Variants in ST7L observed in about 807,000 individuals in gnomAD.
ST7L encodes the protein suppressor of tumorigenicity 7 protein-like.
Under a neutral mutation model 72.5 loss-of-function variants are expected in ST7L, and 57 were observed. That is an observed-to-expected ratio of 0.79 (90% CI 0.64 to 0.98). ST7L has a LOEUF of 0.98. ST7L is among the 50% of genes least tolerant of loss of function. The probability of loss-of-function intolerance (pLI) is 0.00; values close to 1 mark genes in which losing one functional copy is unlikely to be tolerated. For synonymous variants in ST7L, 221 were observed against 240.9 expected (o/e 0.92, Z 0.77); for missense variants, 576 against 672.2 (o/e 0.86, Z 1.58).
chr1:112,582,449 A>G lies in ST7L; in HGVS notation c.880T>C (p.Tyr294His). Reference sequence around the variant, plus strand: ...CACATTGCCAATCTTCTTTTAATATATACCAGTACATTGGTATCTCTCCCT... The same window carrying G: ...CACATTGCCAATCTTCTTTTAATATGTACCAGTACATTGGTATCTCTCCCT... ...QLRRDTNVLV[Y>H]IKRRLAMCAR... is the part of the protein sequence containing the mutation. Residue 294 changes from tyrosine (Y) to histidine (H), a missense_variant, in exon 8 of 15, where the codon TAT becomes CAT. Physicochemically the swap from Tyr to His is moderately conservative, Grantham distance 83 (BLOSUM62 2). This residue lies in a region of ST7L where 511 missense variants were observed against 600.7 expected (regional missense o/e 0.85). Coordinates refer to ENST00000358039, the MANE Select transcript of ST7L (RefSeq NM_017744.5). 1 of 1,605,866 alleles carries G rather than the reference A, an allele frequency of 6.2e-7. No homozygotes were observed. The highest frequency in any genetic ancestry group is 8.5e-7 in the Non-Finnish European group (1 of 1,174,998).
chr1:112,616,032 C>T (rs190928567), intron 2 of ST7L, among the ~76,000 whole-genome samples: 18 of 152,174 alleles, frequency 1.2e-4, no homozygotes, highest in Non-Finnish European at 1.6e-4. Context: ...CCACCACGTC[C>T]GGCCTGTCTG....
At chr1:112,526,263 AC>A in intron 14 of ST7L, 152 bp from the exon 15 acceptor site, 2 of 911,138 alleles carry the variant, frequency 2.2e-6, no homozygotes, top group Non-Finnish European at 3.3e-6. Context: ...TGCCACTATT[AC>A]CACCAGTACC....
chr1:112,540,000 A>G, intron 14 of ST7L: 1 of 985,390 alleles, frequency 1.0e-6, no homozygotes, highest in Non-Finnish European at 1.2e-6. Context: ...TCCATTTAAA[A>G]TATGTAATTA....
intron 11 of ST7L, among the ~76,000 whole-genome samples, chr1:112,562,469 A>C (rs1660332388): frequency 6.6e-6 from 1 of 152,144 alleles, no homozygotes; most frequent in South Asian, 2.1e-4. Flanking sequence ...AAAAGATATG[A>C]TTGAGATACT....
In ST7L at chr1:112,587,586, A is replaced by G. The variant is rs142569496; in HGVS notation, c.702-3460T>C. Reference sequence around the variant, plus strand: ...CCATTGCACTCCAGCCTGGGCAAAAAGAGTGAAACTCTGTCTCAGAACAAA... The same window carrying G: ...CCATTGCACTCCAGCCTGGGCAAAAGGAGTGAAACTCTGTCTCAGAACAAA... On this transcript the variant is annotated intron_variant, in intron 6 of 14. Transcript: ENST00000358039. 2.8e-3 allele frequency among the ~76,000 whole-genome samples: 434 copies of G among 152,352 alleles called. 2 individuals carry two copies. The highest frequency in any genetic ancestry group is 3.8e-3 in the Non-Finnish European group (261 of 68,014).
intron 11 of ST7L, among the ~76,000 whole-genome samples, chr1:112,567,788 C>CAGT (rs56717027): frequency 0.014 from 2,186 of 151,958 alleles, 67 homozygotes; most frequent in African/African-American, 0.051. Flanking sequence ...ACATATATGA[C>CAGT]AGTATATATG....
Position 112,578,328 on chromosome 1 carries a change from G to C in ST7L, c.1142+17C>G. ...TTAGCAGTCTTTCCAAATCATTGTA[G>C]TTTTTATAACACGTACTTTTCTGAA... On this transcript the variant is annotated intron_variant, in intron 10 of 14. Transcript: ENST00000358039. 2 of 1,610,124 alleles carry C rather than the reference G, an allele frequency of 1.2e-6. No homozygotes were observed. The highest frequency in any genetic ancestry group is 1.7e-6 in the Non-Finnish European group (2 of 1,176,410).
intron 11 of ST7L, among the ~76,000 whole-genome samples, chr1:112,559,484 G>A (rs1002593500): frequency 3.3e-5 from 5 of 151,608 alleles, no homozygotes; most frequent in South Asian, 2.1e-4. Context: ...CACCAGCCTC[G>A]GCTTCCCAAA....
intron 14 of ST7L, 120 bp from the exon 15 acceptor site, chr1:112,526,231 C>A: frequency 1.4e-6 from 2 of 1,384,564 alleles, no homozygotes; most frequent in Non-Finnish European, 2.0e-6. Flanking sequence ...ACCTTATCAA[C>A]CAATGGCTCT....
intron 11 of ST7L, among the ~76,000 whole-genome samples, chr1:112,573,348 C>CAAAAAAAAAAAAAAAAAAAAAAAAAAA (rs35107656): frequency 1.4e-5 from 1 of 69,664 alleles, no homozygotes; most frequent in Non-Finnish European, 2.7e-5. Flanking sequence ...AACTCCCTCT[C>CAAAAAAAAAAAAAAAAAAAAAAAAAAA]AAAAAAAAAA....
chr1:112,519,240 T>A (rs1268911458), downstream of ST7L, among the ~76,000 whole-genome samples: 1 of 152,268 alleles, frequency 6.6e-6, no homozygotes, highest in African/African-American at 2.4e-5. Context: ...TATATTTATT[T>A]ATACCTGTGT....
In ST7L at chr1:112,593,455, C is replaced by T. The variant is rs566086884; in HGVS notation, c.623-1852G>A. Reference sequence around the variant, plus strand: ...GTTAAATAACATTCTAATAAGCTAACAAGCACAAAACAGATCAGCAGTTAT... The same window carrying T: ...GTTAAATAACATTCTAATAAGCTAATAAGCACAAAACAGATCAGCAGTTAT... On this transcript the variant is annotated intron_variant, in intron 5 of 14. Coordinates refer to ENST00000358039, the MANE Select transcript of ST7L (RefSeq NM_017744.5). 1.4e-4 allele frequency among the ~76,000 whole-genome samples: 21 copies of T among 152,164 alleles called. No individual in the cohort carries two copies. The South Asian group carries it at 4.1e-3, about 30-fold the overall frequency.
intron 1 of ST7L, among the ~76,000 whole-genome samples, chr1:112,617,556 T>G (rs942415588): frequency 6.6e-6 from 1 of 151,906 alleles, no homozygotes; most frequent in African/African-American, 2.4e-5. Flanking sequence ...TACGCAAAAT[T>G]TAAAACTCAG....
In ST7L at chr1:112,582,730, G is replaced by A. The variant is rs1396383483; in HGVS notation, c.857-258C>T. On this transcript the variant is annotated intron_variant, in intron 7 of 14. Transcript: ENST00000358039. ...CATTTAATTATTTTTGCCTCTAATA[G>A]TAACTTAAGTACAGTATATATAATT... Among the ~76,000 whole-genome samples the A allele has an allele frequency of 3.9e-5, 6 of 151,998 alleles. No individual in the cohort carries two copies. The East Asian group carries it at 1.2e-3, about 29-fold the overall frequency.
chr1:112,541,648 T>A (rs1213704183), intron 14 of ST7L: 1 of 408,098 alleles, frequency 2.5e-6, no homozygotes, highest in Non-Finnish European at 3.7e-6. Context: ...AGGGTATTTT[T>A]AAAAATACCA....
rs778283228 is a variant in ST7L at position 112,610,892 on chromosome 1, C to G, written c.400G>C (p.Gly134Arg). ...GGTESSISEP[G>R]SPSRNRENET... ...TTTTCTCTGTTCCTCGAAGGAGAAC[C>G]TGGTTCTGAAATGCTGCTCTCTGTT... Residue 134 changes from glycine to arginine, a missense_variant, in exon 3 of 15, where the codon GGT becomes CGT. Gly to Arg is a moderately radical substitution (Grantham distance 125). Transcript: ENST00000358039. 2 of 1,614,178 alleles carry G rather than the reference C, an allele frequency of 1.2e-6. No individual in the cohort carries two copies. The highest frequency in any genetic ancestry group is 3.3e-5 in the Admixed American group (2 of 60,014).
intron 9 of ST7L, among the ~76,000 whole-genome samples, chr1:112,580,407 C>G (rs1397805128): frequency 6.6e-6 from 1 of 152,220 alleles, no homozygotes; most frequent in Non-Finnish European, 1.5e-5. Flanking sequence ...CCCGCTTCAG[C>G]TTCCCAAAGG....
chr1:112,549,907 A>G (rs1234088025), intron 13 of ST7L, among the ~76,000 whole-genome samples: 1 of 152,180 alleles, frequency 6.6e-6, no homozygotes, highest in Admixed American at 6.5e-5. Context: ...TCCATTAAAT[A>G]TAATGTTAAT....
At chr1:112,553,233 A>AACACACACACAC (rs71584746) in intron 12 of ST7L, among the ~76,000 whole-genome samples, 1,859 of 149,470 alleles carry the variant, frequency 0.012, 43 homozygotes, top group African/African-American at 0.043. Context: ...CTTTTCTTTA[A>AACACACACACAC]ACACACACAC....
Sources: gnomAD v4.1 joint callset for allele counts (sites outside exome capture counted in the v4.1 genomes callset) on GRCh38, gnomAD v4.1.1 for gene constraint, gnomAD v4.1.1 regional missense constraint, MANE v1.5 for transcripts, NCBI Gene and HGNC (gene_info 2026-07-23, HGNC 2026-07-21) for gene names.